NTM: variants seen among roughly 807,000 people sequenced by gnomAD.
NTM encodes neurotrimin.
Under a neutral mutation model 42.1 loss-of-function variants are expected in NTM, and 13 were observed. That is an observed-to-expected ratio of 0.31 (90% CI 0.20 to 0.49). The LOEUF is 0.49. Ranked by LOEUF, NTM falls within the 20% of genes least tolerant of loss-of-function variation. The probability of loss-of-function intolerance (pLI) is 0.99; values close to 1 mark genes in which losing one functional copy is unlikely to be tolerated. For synonymous variants in NTM, 187 were observed against 179.2 expected (o/e 1.04, Z -0.35); for missense variants, 373 against 452.8 (o/e 0.82, Z 1.60).
intron 1 of NTM, among the ~76,000 whole-genome samples, chr11:131,565,918 G>C (rs2056834113): frequency 6.6e-6 from 1 of 152,130 alleles, no homozygotes; most frequent in South Asian, 2.1e-4. Context: ...TAGTCAGGAA[G>C]TTCTATTTCT....
chr11:132,168,005 G>A (rs934372961), intron 3 of NTM, among the ~76,000 whole-genome samples: 19 of 152,154 alleles, frequency 1.2e-4, no homozygotes, highest in Admixed American at 3.3e-4. Context: ...ATGAAATTCC[G>A]TTTTCCTGCA....
rs1300311145 is a variant in NTM at position 131,922,044 on chromosome 11, G to GT, written c.167+10398dup. The GT allele has an allele frequency of 2.6e-5, 4 of 152,616 alleles. No individual in the cohort carries two copies. In the South Asian group the frequency reaches 8.3e-4, roughly 32 times the overall value. The allele number at this position is 152,616 out of a possible 1,614,324, so 9.5% of individuals were successfully genotyped here. The stretch of plus-strand genomic sequence containing the variant: ...TACATCTCCAGTCTCTGCTTTGAAT[G>GT]TTCCCCCCTTATTATTATTTTTTTC... On this transcript the variant is annotated intron_variant, in intron 2 of 8. Transcript: ENST00000683400.
At chr11:132,225,294 T>C (rs912055037) in intron 4 of NTM, among the ~76,000 whole-genome samples, 2 of 149,668 alleles carry the variant, frequency 1.3e-5, no homozygotes, top group African/African-American at 2.5e-5. Context: ...GGAGAGGTAG[T>C]GCCATGGAGA....
intron 3 of NTM, among the ~76,000 whole-genome samples, chr11:132,157,626 C>G (rs912208412): frequency 2.0e-5 from 3 of 152,136 alleles, no homozygotes; most frequent in African/African-American, 7.2e-5. Context: ...AGATTAAAAT[C>G]GCTAAACATT....
chr11:131,728,755 GTCCTTCC>G lies in NTM; in HGVS notation c.83-182808_83-182802del, dbSNP rs1565475266. Among the ~76,000 whole-genome samples, 1,332 of 152,218 alleles carry G rather than the reference GTCCTTCC, an allele frequency of 8.8e-3. 15 individuals are homozygous for G. Among genetic ancestry groups the G allele is most frequent in the African/African-American group, 0.03 (1,244 of 41,530 alleles). Reference sequence around the variant, plus strand: ...GATCAACTTAACCTTGAGCCCCTCTGTCCTTCCCAGAGAAAGAGGGGTAGGGCTGAAC... The same window carrying G: ...GATCAACTTAACCTTGAGCCCCTCTGCAGAGAAAGAGGGGTAGGGCTGAAC... On this transcript the variant is annotated intron_variant, in intron 1 of 8. Transcript: ENST00000683400.
chr11:131,956,702 TA>T (rs932119785), intron 2 of NTM, among the ~76,000 whole-genome samples: 8 of 152,066 alleles, frequency 5.3e-5, no homozygotes. Flanking sequence ...TCCACTCACT[TA>T]AAATTTGCCT....
At chr11:131,585,315 T>G (rs2058755577) in intron 1 of NTM, among the ~76,000 whole-genome samples, 1 of 152,250 alleles carries the variant, frequency 6.6e-6, no homozygotes, top group Non-Finnish European at 1.5e-5. Context: ...TTGGCAGCCT[T>G]CCTGCCAGCT....
intron 1 of NTM, among the ~76,000 whole-genome samples, chr11:131,890,314 C>G (rs1372059862): frequency 3.3e-5 from 5 of 152,188 alleles, no homozygotes; most frequent in African/African-American, 1.2e-4. Flanking sequence ...TCTACAAATG[C>G]TGCTAGGGCT....
intron 5 of NTM, among the ~76,000 whole-genome samples, chr11:132,309,895 A>C (rs2095227086): frequency 6.6e-6 from 1 of 152,126 alleles, no homozygotes; most frequent in African/African-American, 2.4e-5. Context: ...GTCGCTGCTA[A>C]AAATACAAAA....
intron 3 of NTM, among the ~76,000 whole-genome samples, chr11:132,183,936 T>C (rs1227649642): frequency 1.3e-5 from 2 of 151,948 alleles, no homozygotes; most frequent in Admixed American, 1.3e-4. Flanking sequence ...ATAACTATGA[T>C]GCCTGCTAAT....
chr11:131,693,223 G>A (rs1026763590), intron 1 of NTM, among the ~76,000 whole-genome samples: 8 of 152,136 alleles, frequency 5.3e-5, no homozygotes, highest in Admixed American at 5.2e-4. Context: ...TGCGAGTGGG[G>A]CAGAGGCTGA....
chr11:131,481,658 AGGC>A (rs1953607594), intron 1 of NTM, among the ~76,000 whole-genome samples: 2 of 140,206 alleles, frequency 1.4e-5, no homozygotes, highest in Admixed American at 7.1e-5. Context: ...AGGTCAGCAT[AGGC>A]AGCCACACAG....
At chr11:131,949,963 T>A (rs2060795529) in intron 2 of NTM, among the ~76,000 whole-genome samples, 1 of 152,222 alleles carries the variant, frequency 6.6e-6, no homozygotes, top group Non-Finnish European at 1.5e-5. Context: ...ATTCTGTTAT[T>A]GTTTTCCTTA....
At chr11:131,597,985 G>T (rs2059962152) in intron 1 of NTM, among the ~76,000 whole-genome samples, 1 of 152,178 alleles carries the variant, frequency 6.6e-6, no homozygotes, top group East Asian at 1.9e-4. Flanking sequence ...AGTGGCCCAG[G>T]CCCCAGGGAC....
At chr11:131,901,241 G>A (rs914309492) in intron 1 of NTM, among the ~76,000 whole-genome samples, 2 of 152,208 alleles carry the variant, frequency 1.3e-5, no homozygotes, top group African/African-American at 2.4e-5. Context: ...GTAATTTGTG[G>A]AACTTGGACA....
chr11:131,512,094 T>C (rs1211166551), intron 1 of NTM, among the ~76,000 whole-genome samples: 1 of 152,004 alleles, frequency 6.6e-6, no homozygotes, highest in Non-Finnish European at 1.5e-5. Flanking sequence ...AAGTTCCAAA[T>C]TGCGCATTCC....
At chr11:131,669,640 G>A (rs1565400570) in intron 1 of NTM, among the ~76,000 whole-genome samples, 1 of 152,152 alleles carries the variant, frequency 6.6e-6, no homozygotes, top group African/African-American at 2.4e-5. Flanking sequence ...TCCAGGCTCA[G>A]GTGAGGCTCT....
At chr11:131,444,225 A>AAAAAAAAAAAAAAAT (rs1949857028) in intron 1 of NTM, among the ~76,000 whole-genome samples, 1 of 150,140 alleles carries the variant, frequency 6.7e-6, no homozygotes, top group Non-Finnish European at 1.5e-5. Flanking sequence ...AAAAAAAAAA[A>AAAAAAAAAAAAAAAT]AAATAGAAGC....
chr11:132,164,359 A>G (rs1174137090), intron 3 of NTM, among the ~76,000 whole-genome samples: 1 of 152,196 alleles, frequency 6.6e-6, no homozygotes, highest in Non-Finnish European at 1.5e-5. Context: ...GCATATGGTC[A>G]TTGTTTTTGC....
Sources: allele counts gnomAD v4.1 joint callset (sites outside exome capture counted in the v4.1 genomes callset), GRCh38; gene constraint gnomAD v4.1.1; transcripts MANE v1.5; gene names NCBI Gene and HGNC (gene_info 2026-07-23, HGNC 2026-07-21).